Variants in ESR1 observed in about 807,000 individuals in gnomAD.
ESR1 encodes the protein estrogen receptor.
Under a neutral mutation model 52.7 loss-of-function variants are expected in ESR1, and 12 were observed. That is an observed-to-expected ratio of 0.23 (90% CI 0.15 to 0.37). The LOEUF (loss-of-function observed/expected upper bound fraction) is 0.37. Ranked by LOEUF, ESR1 falls within the 10% of genes least tolerant of loss-of-function variation. The pLI is 1.00. For missense variants in ESR1, 584 were observed against 779.7 expected (o/e 0.75, Z 2.99); for synonymous variants, 305 against 316.8 (o/e 0.96, Z 0.39).
intron 2 of ESR1, among the ~76,000 whole-genome samples, chr6:151,704,777 T>A (rs1780055680): frequency 6.6e-6 from 1 of 152,110 alleles, no homozygotes; most frequent in South Asian, 2.1e-4. Context: ...TTAAACCCAC[T>A]TTCTAGGAAA....
At chr6:152,021,653 G>T (rs9340996) in intron 5 of ESR1, among the ~76,000 whole-genome samples, 166 of 152,172 alleles carry the variant, frequency 1.1e-3, no homozygotes, top group Middle Eastern at 0.01. Context: ...AGATGTTACG[G>T]GAATACTGCT....
chr6:151,882,029 T>C (rs1458376291), intron 3 of ESR1, among the ~76,000 whole-genome samples: 1 of 152,176 alleles, frequency 6.6e-6, no homozygotes, highest in Non-Finnish European at 1.5e-5. Flanking sequence ...AGCCCGTTTC[T>C]TTTCTGAAGG....
In ESR1 at chr6:151,982,668, T is replaced by G. The variant is rs186789756; in HGVS notation, c.1097-28988T>G. On this transcript the variant is annotated intron_variant, in intron 4 of 7. Coordinates refer to ENST00000206249, the MANE Select transcript of ESR1 (RefSeq NM_000125.4). ...CCTGGCTAATTTTTTGTATTTTTAG[T>G]AGAGACGGGGTTTCACCGTGTTATC... 2.2e-4 allele frequency among the ~76,000 whole-genome samples: 34 copies of G among 152,128 alleles called. No individual in the cohort carries two copies. The East Asian group carries it at 5.6e-3, about 25-fold the overall frequency.
intron 5 of ESR1, among the ~76,000 whole-genome samples, chr6:152,034,141 T>TGGG: frequency 1.3e-5 from 1 of 76,220 alleles, no homozygotes; most frequent in African/African-American, 5.2e-5. Flanking sequence ...GGGCCTTTTG[T>TGGG]GTGGTTGGGG....
exon 7 of ESR1, chr6:152,128,569 A>G (rs1177603434): frequency 6.6e-6 from 1 of 152,246 alleles, no homozygotes; most frequent in Non-Finnish European, 1.5e-5. Flanking sequence ...GACTTTAAAC[A>G]ACAACAAAGA....
downstream of ESR1, among the ~76,000 whole-genome samples, chr6:152,106,149 G>A (rs943585120): frequency 3.9e-5 from 6 of 152,098 alleles, no homozygotes; most frequent in African/African-American, 1.4e-4. Context: ...ACTTAAATCT[G>A]ATGACATAAA....
chr6:151,791,298 C>T (rs192423791), intron 2 of ESR1, among the ~76,000 whole-genome samples: 1 of 152,100 alleles, frequency 6.6e-6, no homozygotes, highest in Admixed American at 6.5e-5. Context: ...GGGTCTCTCC[C>T]GTGCTGTTCT....
intron 4 of ESR1, among the ~76,000 whole-genome samples, chr6:151,968,850 TC>T (rs2038591526): frequency 6.6e-6 from 1 of 152,134 alleles, no homozygotes; most frequent in South Asian, 2.1e-4. Context: ...GGAGAAGACT[TC>T]CTCTGTGCCA....
intron 2 of ESR1, among the ~76,000 whole-genome samples, chr6:151,789,382 T>C (rs1787315840): frequency 6.6e-6 from 1 of 152,248 alleles, no homozygotes; most frequent in South Asian, 2.1e-4. Context: ...TAGCACACTA[T>C]GTATTTTATA....
chr6:151,796,889 G>A (rs1047626371), intron 2 of ESR1, among the ~76,000 whole-genome samples: 1 of 152,176 alleles, frequency 6.6e-6, no homozygotes, highest in Non-Finnish European at 1.5e-5. Flanking sequence ...CATCAACCTA[G>A]CTCCGAAAGA....
intron 6 of ESR1, among the ~76,000 whole-genome samples, chr6:152,068,721 G>C (rs188193763): frequency 6.6e-6 from 1 of 152,142 alleles, no homozygotes; most frequent in Admixed American, 6.5e-5. Context: ...GGAGCGTGTG[G>C]AACCTAGTTT....
chr6:151,988,353 A>G (rs1049734906), intron 4 of ESR1, among the ~76,000 whole-genome samples: 10 of 152,068 alleles, frequency 6.6e-5, no homozygotes, highest in Admixed American at 3.9e-4. Context: ...TCGTGCTCCT[A>G]TGAGAATCTA....
At chr6:151,922,709 A>C (rs1361788659) in intron 3 of ESR1, among the ~76,000 whole-genome samples, 1 of 152,146 alleles carries the variant, frequency 6.6e-6, no homozygotes, top group Non-Finnish European at 1.5e-5. Flanking sequence ...AGGAGCAATA[A>C]TTTCCTTCAA....
intron 4 of ESR1, among the ~76,000 whole-genome samples, chr6:151,979,562 T>C (rs1173346424): frequency 6.6e-6 from 1 of 152,116 alleles, no homozygotes; most frequent in Non-Finnish European, 1.5e-5. Context: ...TCATATAAAA[T>C]CATATTTTAA....
chr6:151,941,719 A>C (rs2035086953), intron 3 of ESR1, among the ~76,000 whole-genome samples: 1 of 152,128 alleles, frequency 6.6e-6, no homozygotes, highest in Non-Finnish European at 1.5e-5. Flanking sequence ...ACCCTCAGTG[A>C]TACCCCTCAT....
chr6:151,935,787 C>A (rs899304537), intron 3 of ESR1, among the ~76,000 whole-genome samples: 10 of 152,304 alleles, frequency 6.6e-5, no homozygotes, highest in African/African-American at 2.4e-4. Context: ...TTAATATACT[C>A]CAACAAATGA....
chr6:151,757,801 G>A (rs948228243), intron 2 of ESR1, among the ~76,000 whole-genome samples: 4 of 152,194 alleles, frequency 2.6e-5, no homozygotes, highest in African/African-American at 9.7e-5. Flanking sequence ...GGGGTGTGGT[G>A]TGTGAAACTG....
chr6:152,105,724 C>G (rs1386243337), downstream of ESR1, among the ~76,000 whole-genome samples: 1 of 151,326 alleles, frequency 6.6e-6, no homozygotes, highest in Non-Finnish European at 1.5e-5. Context: ...CTGGGCCCAG[C>G]CAATTTAATT....
intron 4 of ESR1, among the ~76,000 whole-genome samples, chr6:151,999,942 C>G (rs562618491): frequency 6.6e-6 from 1 of 152,154 alleles, no homozygotes; most frequent in East Asian, 1.9e-4. Context: ...TTTAAGAACT[C>G]TCTTATGTGT....
Sources: allele counts gnomAD v4.1 joint callset (sites outside exome capture counted in the v4.1 genomes callset), GRCh38; gene constraint gnomAD v4.1.1; transcripts MANE v1.5; gene names NCBI Gene and HGNC (gene_info 2026-07-23, HGNC 2026-07-21).